GPATCH1: variants seen among roughly 807,000 people sequenced by gnomAD.
The protein encoded by GPATCH1 is G patch domain-containing protein 1.
A neutral mutation model predicts 114.9 loss-of-function variants in GPATCH1; 73 were observed. The ratio of observed to expected loss-of-function variants is 0.64; its 90% CI spans 0.53 to 0.77. GPATCH1 has a LOEUF of 0.77. GPATCH1 is among the 30% of genes least tolerant of loss of function. GPATCH1 has a pLI of 0.00. For synonymous variants in GPATCH1, 391 were observed against 428.4 expected, an observed-to-expected ratio of 0.91 and a Z score of 1.08; for missense variants, 1,058 against 1,144.3, an observed-to-expected ratio of 0.92 and a Z score of 1.09.
chr19:33,111,528 A>AT (rs562538316), intron 11 of GPATCH1, among the ~76,000 whole-genome samples, 196 bp from the exon 12 acceptor site: 287 of 151,894 alleles, frequency 1.9e-3, no homozygotes, highest in Admixed American at 4.5e-3. Context: ...CCTGGCCTAA[A>AT]TTTTTTTTAA....
intron 6 of GPATCH1, 88 bp from the exon 7 acceptor site, chr19:33,096,119 A>G (rs1190113323): frequency 7.5e-7 from 1 of 1,337,664 alleles, no homozygotes; most frequent in Non-Finnish European, 1.0e-6. Flanking sequence ...TCTGTGTGGC[A>G]TTAATCACTG....
intron 1 of GPATCH1, among the ~76,000 whole-genome samples, chr19:33,082,137 G>A (rs1972485267): frequency 8.5e-6 from 1 of 118,136 alleles, no homozygotes; most frequent in Non-Finnish European, 1.8e-5. Flanking sequence ...AGTGGTGGTG[G>A]TGTGTAGTGG....
At chr19:33,113,718 A>C in intron 13 of GPATCH1, 49 bp from the exon 14 acceptor site, 1 of 1,573,580 alleles carries the variant, frequency 6.4e-7, no homozygotes, top group Non-Finnish European at 8.7e-7. Flanking sequence ...CAGGAGGTGG[A>C]TTTTGTCCTA....
chr19:33,114,307 C>A lies in GPATCH1; in HGVS notation c.2084C>A (p.Ser695Tyr). ...DTSKHEKKEDSISEFLSLARS... is the reference protein window; with the variant it reads ...DTSKHEKKEDYISEFLSLARS... Reference sequence around the variant, plus strand: ...TCTAAACACGAAAAGAAAGAAGATTCCATTAGTGAATTTTTAAGTTTGGCT... The same window carrying A: ...TCTAAACACGAAAAGAAAGAAGATTACATTAGTGAATTTTTAAGTTTGGCT... The change falls in exon 15 of 20, where the codon TCC becomes TAC. Residue 695 changes from serine (S) to tyrosine (Y), a missense_variant. This residue lies in a region of GPATCH1 where 893 missense variants were observed against 977.4 expected (regional missense o/e 0.91). Transcript: ENST00000170564. 6.2e-7 allele frequency: 1 copy of A among 1,613,214 alleles called. No individual in the cohort carries two copies. Among genetic ancestry groups the A allele is most frequent in the South Asian group, 1.1e-5 (1 of 91,056 alleles).
intron 1 of GPATCH1, among the ~76,000 whole-genome samples, chr19:33,081,700 G>A (rs1214833452): frequency 6.6e-6 from 1 of 152,104 alleles, no homozygotes; most frequent in Non-Finnish European, 1.5e-5. Context: ...GAAATTGAGG[G>A]GCAGGCAGGA....
rs199530167 is a variant in GPATCH1 at position 33,112,720 on chromosome 19, T to C, written c.1892+107T>C. The C allele has an allele frequency of 7.7e-4, 595 of 777,504 alleles. 5 individuals carry two copies. Among genetic ancestry groups the C allele is most frequent in the Middle Eastern group, 2.5e-3 (10 of 4,022 alleles). The allele number at this position is 777,504 out of a possible 1,614,324, so 48.2% of individuals were successfully genotyped here. ...TTCTTATTTTTTCTACATGAACTTA[T>C]TTGCATATCACTGGATATACAAATC... is the stretch of plus-strand genomic sequence containing the variant. On this transcript the variant is annotated intron_variant, in intron 13 of 19. Transcript: ENST00000170564.
intron 8 of GPATCH1, among the ~76,000 whole-genome samples, chr19:33,101,116 T>C (rs977846469): frequency 2.6e-5 from 4 of 152,196 alleles, no homozygotes; most frequent in African/African-American, 9.7e-5. Context: ...GCTCTCACAG[T>C]TGTGATTTGT....
At chr19:33,102,607 G>A (rs1434188068) in intron 9 of GPATCH1, among the ~76,000 whole-genome samples, 1 of 151,964 alleles carries the variant, frequency 6.6e-6, no homozygotes, top group African/African-American at 2.4e-5. Context: ...ATGTTGGTCA[G>A]GCTGGTCTTG....
At chr19:33,093,548 C>A in intron 4 of GPATCH1, 29 bp downstream of exon 4, 1 of 1,591,224 alleles carries the variant, frequency 6.3e-7, no homozygotes, top group Middle Eastern at 1.7e-4. Flanking sequence ...CTGTCATGAT[C>A]TTAGCACCGG....
rs533628354 is a variant in GPATCH1, at chr19:33,115,784, C to T, written c.2196+1365C>T. 3.9e-5 allele frequency among the ~76,000 whole-genome samples: 6 copies of T among 152,140 alleles called. No individual in the cohort carries two copies. The South Asian group carries it at 6.2e-4, about 16-fold the overall frequency. On this transcript the variant is annotated intron_variant, in intron 15 of 19. Coordinates refer to ENST00000170564, the MANE Select transcript of GPATCH1 (RefSeq NM_018025.3). ...TGCTGGGATTACAGGCATAAGCCAC[C>T]GCGCCTGGCTAAAGTGGGTTTCTTA...
At chr19:33,101,985 C>T (rs2145317396) in intron 9 of GPATCH1, among the ~76,000 whole-genome samples, 2 of 148,232 alleles carry the variant, frequency 1.3e-5, no homozygotes, top group East Asian at 4.0e-4. Flanking sequence ...GCCAAGATCA[C>T]ACCACTGCAC....
intron 10 of GPATCH1, 86 bp from the exon 11 acceptor site, chr19:33,109,631 G>A: frequency 2.6e-6 from 2 of 763,342 alleles, no homozygotes; most frequent in Non-Finnish European, 4.1e-6. Context: ...ATGTAAATTT[G>A]TGTTATTGAA....
chr19:33,099,139 A>T (rs1972696536), intron 8 of GPATCH1, among the ~76,000 whole-genome samples: 1 of 148,938 alleles, frequency 6.7e-6, no homozygotes, highest in Non-Finnish European at 1.5e-5. Flanking sequence ...TAATTAATAT[A>T]TCAATACTAT....
intron 9 of GPATCH1, among the ~76,000 whole-genome samples, chr19:33,105,260 C>G (rs1334716684): frequency 6.6e-6 from 1 of 151,080 alleles, no homozygotes; most frequent in South Asian, 2.1e-4. Context: ...GGTGAAACCC[C>G]GTCTCTACTA....
intron 1 of GPATCH1, among the ~76,000 whole-genome samples, chr19:33,086,747 C>T (rs897948324): frequency 9.2e-5 from 14 of 152,152 alleles, no homozygotes; most frequent in Admixed American, 2.0e-4. Flanking sequence ...TGAGTCATTG[C>T]GCCAGGCTGA....
chr19:33,107,881 A>G (rs996325879), intron 10 of GPATCH1, among the ~76,000 whole-genome samples: 5 of 150,992 alleles, frequency 3.3e-5, no homozygotes, highest in Non-Finnish European at 7.4e-5. Context: ...TTTAAGTTCT[A>G]GGGTACATGT....
intron 7 of GPATCH1, among the ~76,000 whole-genome samples, chr19:33,096,952 C>CTTTTT (rs35729995): frequency 6.1e-5 from 8 of 132,148 alleles, no homozygotes; most frequent in East Asian, 4.6e-4. Context: ...TTCTTTCTTT[C>CTTTTT]TTTTTTTTTT....
At position 33,093,494 on chromosome 19, in the gene GPATCH1, C is replaced by T; in HGVS notation, c.430C>T (p.Leu144Phe). 1.2e-6 allele frequency: 2 copies of T among 1,613,764 alleles called. No individual in the cohort carries two copies. Among genetic ancestry groups the T allele is most frequent in the Non-Finnish European group, 8.5e-7 (1 of 1,179,818 alleles). The change falls in exon 4 of 20, where the codon CTT becomes TTT. Residue 144 changes from leucine to phenylalanine, a missense_variant. Transcript: ENST00000170564. The part of the protein sequence containing the change: ...ATAPIPGATL[L>F]DDLITPAKLS... ...TGCCCCTATTCCTGGAGCCACCCTC[C>T]TTGATGACCTCATAACGCCAGCAAA... is the stretch of plus-strand genomic sequence containing the variant.
intron 16 of GPATCH1, 27 bp downstream of exon 16, chr19:33,118,068 T>C (rs1480940530): frequency 6.6e-7 from 1 of 1,507,752 alleles, no homozygotes; most frequent in Non-Finnish European, 9.2e-7. Flanking sequence ...GACTCGGGGA[T>C]CTAAAGGAGA....
Sources: gnomAD v4.1 joint callset for allele counts (sites outside exome capture counted in the v4.1 genomes callset) on GRCh38, gnomAD v4.1.1 for gene constraint, gnomAD v4.1.1 regional missense constraint, MANE v1.5 for transcripts, NCBI Gene and HGNC (gene_info 2026-07-23, HGNC 2026-07-21) for gene names.